TAFA1: variants seen among roughly 807,000 people sequenced by gnomAD.
TAFA1 encodes the protein TAFA chemokine like family member 1.
A neutral mutation model predicts 18.5 loss-of-function variants in TAFA1; 4 were observed. That is an observed-to-expected ratio of 0.22 (90% CI 0.11 to 0.49). The LOEUF is 0.49. Among genes scored for constraint, TAFA1 ranks in the 20% least tolerant of loss-of-function variants. TAFA1 has a pLI of 0.98. For missense variants in TAFA1, 147 were observed against 169.0 expected, an observed-to-expected ratio of 0.87 and a Z score of 0.72; for synonymous variants, 56 against 55.2, an observed-to-expected ratio of 1.01 and a Z score of -0.06.
At chr3:68,326,442 G>C (rs542783991) in intron 2 of TAFA1, among the ~76,000 whole-genome samples, 11 of 152,274 alleles carry the variant, frequency 7.2e-5, no homozygotes, top group African/African-American at 2.4e-4. Flanking sequence ...GGTCATATCT[G>C]TGCCTCATTG....
At chr3:68,383,111 A>G (rs953806779) in intron 2 of TAFA1, among the ~76,000 whole-genome samples, 3 of 152,140 alleles carry the variant, frequency 2.0e-5, no homozygotes, top group East Asian at 1.9e-4. Flanking sequence ...GGCTGAGACT[A>G]TAGGGTTTTC....
chr3:68,261,128 A>G (rs905870252), intron 2 of TAFA1, among the ~76,000 whole-genome samples: 1 of 152,226 alleles, frequency 6.6e-6, no homozygotes, highest in Admixed American at 6.5e-5. Flanking sequence ...ACTTCTCAAA[A>G]GAAGACATTT....
At chr3:68,141,878 G>A (rs2065671059) in intron 2 of TAFA1, among the ~76,000 whole-genome samples, 1 of 152,122 alleles carries the variant, frequency 6.6e-6, no homozygotes, top group Admixed American at 6.5e-5. Context: ...AGGCAGCTTT[G>A]GTTAACTTCA....
At chr3:68,254,993 A>G (rs528338947) in intron 2 of TAFA1, among the ~76,000 whole-genome samples, 1 of 152,270 alleles carries the variant, frequency 6.6e-6, no homozygotes, top group Admixed American at 6.5e-5. Flanking sequence ...GAGAAAATGA[A>G]TTTTGTAATG....
chr3:68,255,191 G>C (rs2067274175), intron 2 of TAFA1, among the ~76,000 whole-genome samples: 1 of 152,130 alleles, frequency 6.6e-6, no homozygotes, highest in Admixed American at 6.6e-5. Context: ...GATTCAATCT[G>C]AGAAATGTGA....
At chr3:68,005,745 TC>T (rs1704346223) in intron 1 of TAFA1, among the ~76,000 whole-genome samples, 1 of 152,198 alleles carries the variant, frequency 6.6e-6, no homozygotes, top group South Asian at 2.1e-4. Context: ...GGACGGTGCT[TC>T]AAGTTTGATT....
intron 4 of TAFA1, among the ~76,000 whole-genome samples, chr3:68,542,997 A>G (rs1027965263): frequency 6.6e-6 from 1 of 152,184 alleles, no homozygotes; most frequent in Admixed American, 6.6e-5. Flanking sequence ...TTGCCAGGGT[A>G]AAATTCAACA....
chr3:68,400,432 C>T (rs1463283076), intron 2 of TAFA1, among the ~76,000 whole-genome samples: 2 of 152,172 alleles, frequency 1.3e-5, no homozygotes, highest in African/African-American at 4.8e-5. Flanking sequence ...TTCCTAGCAA[C>T]TAAGTCTATA....
intron 2 of TAFA1, among the ~76,000 whole-genome samples, chr3:68,185,139 G>A (rs1034148195): frequency 3.2e-4 from 48 of 152,072 alleles, no homozygotes; most frequent in African/African-American, 1.1e-3. Context: ...TGTAGCCAGA[G>A]GAACCAGTCC....
chr3:68,448,673 T>A (rs1330527782), intron 3 of TAFA1, among the ~76,000 whole-genome samples: 1 of 152,068 alleles, frequency 6.6e-6, no homozygotes, highest in East Asian at 1.9e-4. Context: ...TCAAAGTACA[T>A]TGAGTACTTC....
At chr3:68,138,830 A>G (rs1297366916) in intron 2 of TAFA1, among the ~76,000 whole-genome samples, 1 of 152,224 alleles carries the variant, frequency 6.6e-6, no homozygotes, top group Non-Finnish European at 1.5e-5. Flanking sequence ...TTTTCATAAC[A>G]GTGAGGTTGC....
chr3:68,279,271 A>T (rs1242587483), intron 2 of TAFA1, among the ~76,000 whole-genome samples: 2 of 152,142 alleles, frequency 1.3e-5, no homozygotes, highest in Non-Finnish European at 2.9e-5. Flanking sequence ...TTCATGAGAA[A>T]TTTGGGGAGG....
At chr3:68,204,919 CT>C (rs2066508352) in intron 2 of TAFA1, among the ~76,000 whole-genome samples, 1 of 151,862 alleles carries the variant, frequency 6.6e-6, no homozygotes, top group African/African-American at 2.4e-5. Context: ...AACCCACTTC[CT>C]TTTTTTCCCT....
intron 2 of TAFA1, among the ~76,000 whole-genome samples, chr3:68,088,717 G>A (rs1209135793): frequency 1.3e-5 from 2 of 152,192 alleles, no homozygotes; most frequent in African/African-American, 4.8e-5. Flanking sequence ...AGAGCTCTGA[G>A]CCAAGGAGTG....
At chr3:68,202,278 T>G (rs1193777699) in intron 2 of TAFA1, among the ~76,000 whole-genome samples, 19 of 151,736 alleles carry the variant, frequency 1.3e-4, no homozygotes, top group Non-Finnish European at 3.0e-5. Flanking sequence ...GTAAACAACA[T>G]CTAGTTGGGT....
chr3:68,389,493 G>A (rs545423778), intron 2 of TAFA1, among the ~76,000 whole-genome samples: 1 of 152,264 alleles, frequency 6.6e-6, no homozygotes. Context: ...CTGGGTCAAA[G>A]GGTATGTCCA....
At chr3:68,380,829 C>T (rs1450437504) in intron 2 of TAFA1, among the ~76,000 whole-genome samples, 1 of 150,440 alleles carries the variant, frequency 6.6e-6, no homozygotes, top group African/African-American at 2.4e-5. Flanking sequence ...GTGTTTTAGA[C>T]ATGAAGTCCT....
intron 2 of TAFA1, among the ~76,000 whole-genome samples, chr3:68,331,449 A>G (rs370369808): frequency 2.0e-5 from 3 of 152,348 alleles, no homozygotes; most frequent in Non-Finnish European, 2.9e-5. Flanking sequence ...TAGTTCAGGC[A>G]TATAGTAGAT....
At chr3:68,128,053 T>G (rs186911266) in intron 2 of TAFA1, among the ~76,000 whole-genome samples, 282 of 152,222 alleles carry the variant, frequency 1.9e-3, no homozygotes, top group Non-Finnish European at 2.1e-3. Context: ...CCCTGAGTCC[T>G]CATAAAGAGT....
Sources: allele counts gnomAD v4.1 joint callset (sites outside exome capture counted in the v4.1 genomes callset), GRCh38; gene constraint gnomAD v4.1.1; transcripts MANE v1.5; gene names NCBI Gene and HGNC (gene_info 2026-07-23, HGNC 2026-07-21).